Variants in BCKDHB observed in about 807,000 individuals in gnomAD.
BCKDHB encodes branched chain keto acid dehydrogenase E1 subunit beta, also known as 2-oxoisovalerate dehydrogenase subunit beta, mitochondrial.
In BCKDHB, 41 loss-of-function variants were observed where a neutral mutation model predicts 48.5. The observed-to-expected ratio is 0.85, with a 90% CI of 0.66 to 1.10. The LOEUF (loss-of-function observed/expected upper bound fraction) is 1.10. Ranked by LOEUF, BCKDHB falls within the 50% of genes least tolerant of loss-of-function variation. The pLI is 0.00. For missense variants in BCKDHB, 496 were observed against 494.2 expected (o/e 1.00, Z -0.03); for synonymous variants, 201 against 174.8 (o/e 1.15, Z -1.18).
At chr6:80,252,965 C>T (rs1280317057) in intron 8 of BCKDHB, among the ~76,000 whole-genome samples, 4 of 152,226 alleles carry the variant, frequency 2.6e-5, no homozygotes, top group African/African-American at 9.6e-5. Context: ...TCATCCCCAT[C>T]ACCACTGTTA....
At chr6:80,424,782 A>T in the BCKDHB span, among the ~76,000 whole-genome samples, 1 of 152,170 alleles carries the variant, frequency 6.6e-6, no homozygotes, top group Non-Finnish European at 1.5e-5. Flanking sequence ...AGAATTTTTT[A>T]GCAAAGGGTA....
chr6:80,322,518 T>C (rs1768793036), intron 9 of BCKDHB, among the ~76,000 whole-genome samples: 1 of 152,190 alleles, frequency 6.6e-6, no homozygotes, highest in Non-Finnish European at 1.5e-5. Flanking sequence ...ATTACAGGCA[T>C]GAGCCCCCAC....
chr6:80,285,636 C>A (rs1766593337), intron 9 of BCKDHB, among the ~76,000 whole-genome samples: 1 of 152,082 alleles, frequency 6.6e-6, no homozygotes, highest in Non-Finnish European at 1.5e-5. Flanking sequence ...GTCCTCCATG[C>A]CAGTCTTGTG....
At chr6:80,240,918 G>A (rs999692710) in intron 8 of BCKDHB, among the ~76,000 whole-genome samples, 1 of 152,070 alleles carries the variant, frequency 6.6e-6, no homozygotes, top group Non-Finnish European at 1.5e-5. Context: ...TTTTCACATA[G>A]TCCCATATTT....
At chr6:80,212,458 A>T (rs938219000) in intron 8 of BCKDHB, among the ~76,000 whole-genome samples, 3 of 152,156 alleles carry the variant, frequency 2.0e-5, no homozygotes. Context: ...CCGACCCCGC[A>T]GGTGGTCAGA....
At chr6:80,297,860 G>GC (rs2127989344) in intron 9 of BCKDHB, among the ~76,000 whole-genome samples, 1 of 152,162 alleles carries the variant, frequency 6.6e-6, no homozygotes, top group East Asian at 1.9e-4. Context: ...AATTTCTGAT[G>GC]CCCCCAGTGT....
In BCKDHB at chr6:80,152,844, G is replaced by C. The variant is rs12215054; in HGVS notation, c.344-14834G>C. Among the ~76,000 whole-genome samples, 265 of 152,284 alleles carry C rather than the reference G, an allele frequency of 1.7e-3. 1 individual carries two copies. The highest frequency in any genetic ancestry group is 6.0e-3 in the African/African-American group (251 of 41,552). On this transcript the variant is annotated intron_variant, in intron 3 of 9. Coordinates refer to ENST00000320393, the MANE Select transcript of BCKDHB (RefSeq NM_183050.4). Reference sequence around the variant, plus strand: ...CATCATGTCTGTCATATGGACCTTAGTCAAATGTTATGGCAAACAGCACAC... The same window carrying C: ...CATCATGTCTGTCATATGGACCTTACTCAAATGTTATGGCAAACAGCACAC...
chr6:80,307,372 ATTC>A, intron 9 of BCKDHB: 8 of 944,414 alleles, frequency 8.5e-6, no homozygotes, highest in Non-Finnish European at 1.0e-5. Context: ...AATTGTTTAT[ATTC>A]TTTTTTCCAT....
intron 8 of BCKDHB, among the ~76,000 whole-genome samples, chr6:80,212,255 G>A (rs1774971312): frequency 6.6e-6 from 1 of 152,076 alleles, no homozygotes; most frequent in South Asian, 2.1e-4. Context: ...GGAGACCAGG[G>A]CGTATCTCAG....
chr6:80,222,572 T>C (rs942964293), intron 8 of BCKDHB, among the ~76,000 whole-genome samples: 2 of 152,220 alleles, frequency 1.3e-5, no homozygotes, highest in Admixed American at 1.3e-4. Context: ...TTTTTCTTCA[T>C]GGAGCTGTTC....
At chr6:80,229,558 A>C (rs1212418153) in intron 8 of BCKDHB, among the ~76,000 whole-genome samples, 2 of 152,230 alleles carry the variant, frequency 1.3e-5, no homozygotes, top group African/African-American at 4.8e-5. Context: ...TATCATTAGT[A>C]ATCAACATTA....
At chr6:80,435,901 C>T in the BCKDHB span, among the ~76,000 whole-genome samples, 5 of 152,054 alleles carry the variant, frequency 3.3e-5, no homozygotes, top group South Asian at 2.1e-4. Context: ...GCTGTAGTGG[C>T]GCATGCCTGT....
chr6:80,174,116 T>C (rs3805925), intron 6 of BCKDHB, among the ~76,000 whole-genome samples: 55,156 of 152,012 alleles, frequency 0.36, 11,943 homozygotes, highest in East Asian at 0.56. Context: ...CTTTTTCCCC[T>C]ACATCCCTTC....
intron 3 of BCKDHB, among the ~76,000 whole-genome samples, chr6:80,157,412 A>T (rs1343965567): frequency 6.7e-6 from 1 of 149,796 alleles, no homozygotes; most frequent in Non-Finnish European, 1.5e-5. Flanking sequence ...TTAAAATTCC[A>T]CTATGTACAA....
At chr6:80,401,926 T>C in the BCKDHB span, among the ~76,000 whole-genome samples, 1 of 151,860 alleles carries the variant, frequency 6.6e-6, no homozygotes, top group Non-Finnish European at 1.5e-5. Context: ...ATTTCCTTTT[T>C]CTTTTTAAAA....
the BCKDHB span, among the ~76,000 whole-genome samples, chr6:80,432,202 A>T: frequency 1.3e-5 from 2 of 151,698 alleles, no homozygotes; most frequent in Admixed American, 6.6e-5. Context: ...TGTTCTCTGT[A>T]TTTCCTGAAT....
At chr6:80,302,006 A>G (rs1240696649) in intron 9 of BCKDHB, among the ~76,000 whole-genome samples, 4 of 152,180 alleles carry the variant, frequency 2.6e-5, no homozygotes, top group Admixed American at 1.3e-4. Context: ...ACCTCAAAAC[A>G]ATAAAAGCCA....
intron 3 of BCKDHB, 130 bp downstream of exon 3, chr6:80,129,359 G>A (rs1354681202): frequency 1.9e-5 from 14 of 729,228 alleles, no homozygotes; most frequent in East Asian, 7.9e-5. Flanking sequence ...CATTTCCAAC[G>A]CCACCCGCAG....
chr6:80,325,885 A>C (rs374542083), intron 9 of BCKDHB, among the ~76,000 whole-genome samples: 1 of 152,214 alleles, frequency 6.6e-6, no homozygotes, highest in Admixed American at 6.5e-5. Context: ...TGTCCAAGTC[A>C]TCAAAAAACA....
Sources: allele counts gnomAD v4.1 joint callset (sites outside exome capture counted in the v4.1 genomes callset), GRCh38; gene constraint gnomAD v4.1.1; transcripts MANE v1.5; gene names NCBI Gene and HGNC (gene_info 2026-07-23, HGNC 2026-07-21).